The following RANBP2 variants were observed in gnomAD, a reference collection of about 807,000 sequenced individuals.
The protein encoded by RANBP2 is RAN binding protein 2.
Under a neutral mutation model 303.6 loss-of-function variants are expected in RANBP2, and 57 were observed. The observed-to-expected ratio is 0.19, with a 90% CI of 0.15 to 0.23. The LOEUF (loss-of-function observed/expected upper bound fraction) is 0.23, where lower values mean the gene tolerates loss of function less well. Among genes scored for constraint, RANBP2 ranks in the 10% least tolerant of loss-of-function variants. RANBP2 has a pLI of 1.00. For missense variants in RANBP2, 3,138 were observed against 3,780.8 expected, an observed-to-expected ratio of 0.83 and a Z score of 4.46; for synonymous variants, 1,167 against 1,301.5, an observed-to-expected ratio of 0.90 and a Z score of 2.23.
the RANBP2 span, among the ~76,000 whole-genome samples, chr2:109,679,186 G>A: frequency 6.6e-6 from 1 of 152,276 alleles, no homozygotes; most frequent in South Asian, 2.1e-4. Flanking sequence ...CAAAAAATGT[G>A]GCACTAAATA....
the RANBP2 span, among the ~76,000 whole-genome samples, chr2:109,530,799 C>T: frequency 7.9e-5 from 12 of 152,154 alleles, no homozygotes; most frequent in South Asian, 4.1e-4. Context: ...GATCACTAAA[C>T]TGAGTTATTT....
the RANBP2 span, among the ~76,000 whole-genome samples, chr2:108,950,527 G>A: frequency 6.6e-6 from 1 of 152,228 alleles, no homozygotes; most frequent in African/African-American, 2.4e-5. Flanking sequence ...GGAAGCACAA[G>A]AGATTGTTTA....
chr2:109,449,279 G>T, the RANBP2 span: 1 of 1,610,522 alleles, frequency 6.2e-7, no homozygotes, highest in Non-Finnish European at 8.5e-7. Context: ...GGCCCCACTC[G>T]GTGGTGTCCC....
At chr2:109,523,068 C>T in the RANBP2 span, among the ~76,000 whole-genome samples, 52 of 152,104 alleles carry the variant, frequency 3.4e-4, no homozygotes, top group Non-Finnish European at 5.9e-4. Context: ...TTTGCTTGCT[C>T]CACTGACAGG....
the RANBP2 span, chr2:109,615,976 A>C: frequency 1.9e-6 from 3 of 1,567,250 alleles, no homozygotes; most frequent in Non-Finnish European, 2.6e-6. Flanking sequence ...CAGCCGCTGG[A>C]GGGCAGGGGG....
At chr2:109,584,323 A>C in the RANBP2 span, among the ~76,000 whole-genome samples, 92 of 151,954 alleles carry the variant, frequency 6.1e-4, no homozygotes, top group Middle Eastern at 6.8e-3. Flanking sequence ...TAAAAACACA[A>C]AAAAAATTAG....
chr2:108,937,556 TTATG>T, the RANBP2 span, among the ~76,000 whole-genome samples: 17 of 151,744 alleles, frequency 1.1e-4, no homozygotes, highest in Non-Finnish European at 2.4e-4. Flanking sequence ...TGTGTGAATG[TTATG>T]TGTGTGTGTA....
chr2:108,804,216 A>G, the RANBP2 span, among the ~76,000 whole-genome samples: 1 of 152,196 alleles, frequency 6.6e-6, no homozygotes, highest in Non-Finnish European at 1.5e-5. Context: ...TTAAAGCTTT[A>G]TAAGTAAGTT....
At chr2:109,705,905 C>G in the RANBP2 span, among the ~76,000 whole-genome samples, 9 of 152,148 alleles carry the variant, frequency 5.9e-5, no homozygotes, top group Admixed American at 5.2e-4. Context: ...CTCAGCCCCC[C>G]ACAAAAAATA....
the RANBP2 span, among the ~76,000 whole-genome samples, chr2:109,328,584 T>C: frequency 2.6e-5 from 4 of 152,240 alleles, no homozygotes; most frequent in Non-Finnish European, 4.4e-5. Flanking sequence ...TTCAGAATCA[T>C]CTTTGTACTT....
chr2:109,370,856 G>T, the RANBP2 span, among the ~76,000 whole-genome samples: 256 of 152,262 alleles, frequency 1.7e-3, 1 homozygote, highest in African/African-American at 6.1e-3. Context: ...ATTGAAGAGG[G>T]TTACTGAAAG....
At chr2:109,278,010 CAAAA>C in the RANBP2 span, among the ~76,000 whole-genome samples, 3 of 81,324 alleles carry the variant, frequency 3.7e-5, no homozygotes, top group African/African-American at 1.6e-4. Flanking sequence ...CTGTCTCTAA[CAAAA>C]AAAAAAAAAA....
At chr2:109,597,357 A>T in the RANBP2 span, among the ~76,000 whole-genome samples, 2 of 152,226 alleles carry the variant, frequency 1.3e-5, no homozygotes, top group South Asian at 4.1e-4. Context: ...TTAGAAAAAA[A>T]TTAAAAATCT....
the RANBP2 span, among the ~76,000 whole-genome samples, chr2:109,158,762 C>T: frequency 6.6e-6 from 1 of 152,212 alleles, no homozygotes; most frequent in Non-Finnish European, 1.5e-5. Context: ...CTAAGTGTTT[C>T]TTTCAAAGCA....
chr2:109,373,918 A>G, the RANBP2 span, among the ~76,000 whole-genome samples: 1 of 152,114 alleles, frequency 6.6e-6, no homozygotes, highest in Non-Finnish European at 1.5e-5. Flanking sequence ...GTCCGCAAGC[A>G]GGTGCAGGCC....
chr2:109,081,925 G>A, the RANBP2 span, among the ~76,000 whole-genome samples: 787 of 152,378 alleles, frequency 5.2e-3, 1 homozygote, highest in Non-Finnish European at 7.0e-3. Context: ...GGAAAAGTCT[G>A]TCTGGTTCTT....
the RANBP2 span, among the ~76,000 whole-genome samples, chr2:109,604,018 C>T: frequency 1.8e-4 from 27 of 151,568 alleles, no homozygotes; most frequent in Non-Finnish European, 2.1e-4. Flanking sequence ...AAAAATTAGC[C>T]GGGCATAGTG....
chr2:109,248,799 C>T, the RANBP2 span, among the ~76,000 whole-genome samples: 2 of 150,372 alleles, frequency 1.3e-5, no homozygotes, highest in Non-Finnish European at 3.0e-5. Flanking sequence ...CTCTTTCTGT[C>T]TCTCTTTCTC....
the RANBP2 span, among the ~76,000 whole-genome samples, chr2:108,903,151 A>G: frequency 6.6e-6 from 1 of 152,252 alleles, no homozygotes; most frequent in Non-Finnish European, 1.5e-5. Context: ...CAGTGGCTCA[A>G]AAAATAAATG....
Sources: gnomAD v4.1 joint callset for allele counts (sites outside exome capture counted in the v4.1 genomes callset) on GRCh38, gnomAD v4.1.1 for gene constraint, MANE v1.5 for transcripts, NCBI Gene and HGNC (gene_info 2026-07-23, HGNC 2026-07-21) for gene names.